The following TPM3 variants were observed in gnomAD, a reference collection of about 807,000 sequenced individuals.
TPM3 encodes the protein tropomyosin alpha-3 chain.
Under a neutral mutation model 43.1 loss-of-function variants are expected in TPM3, and 16 were observed. The ratio of observed to expected loss-of-function variants is 0.37; its 90% CI spans 0.25 to 0.56. The LOEUF is 0.56. TPM3 is among the 20% of genes least tolerant of loss of function. The pLI is 0.77. For missense variants in TPM3, 176 were observed against 337.2 expected, an observed-to-expected ratio of 0.52 and a Z score of 3.74; for synonymous variants, 101 against 116.9, an observed-to-expected ratio of 0.86 and a Z score of 0.88.
intron 9 of TPM3, 37 bp downstream of exon 9, chr1:154,169,268 C>A (rs1193874574): frequency 1.2e-6 from 2 of 1,610,442 alleles, no homozygotes; most frequent in Admixed American, 3.3e-5. Flanking sequence ...CACCCACAAG[C>A]CAAGATCCCA....
In TPM3 at chr1:154,164,643, T is replaced by G. The variant is rs763747391; in HGVS notation, c.*3294A>C. 9.2e-5 allele frequency among the ~76,000 whole-genome samples: 14 copies of G among 152,346 alleles called. No homozygotes were observed. The highest frequency in any genetic ancestry group is 1.6e-4 in the Non-Finnish European group (11 of 68,034). On this transcript the variant is annotated 3_prime_UTR_variant, in exon 10 of 10. Transcript: ENST00000651641. Reference sequence around the variant, plus strand: ...CCAATTTTTTCCAAAGTGTGGTGTATTCACTGCTATAGTTACTTTAATGTG... The same window carrying G: ...CCAATTTTTTCCAAAGTGTGGTGTAGTCACTGCTATAGTTACTTTAATGTG...
Position 154,167,760 on chromosome 1 carries a change from A to C in TPM3, c.*177T>G. 2.0e-6 allele frequency: 3 copies of C among 1,503,718 alleles called. No individual in the cohort carries two copies. The highest frequency in any genetic ancestry group is 2.7e-6 in the Non-Finnish European group (3 of 1,124,284). The allele number at this position is 1,503,718 out of a possible 1,614,324, so 93.1% of individuals were successfully genotyped here. On this transcript the variant is annotated 3_prime_UTR_variant, in exon 10 of 10. Coordinates refer to ENST00000651641, the MANE Select transcript of TPM3 (RefSeq NM_152263.4). Reference sequence around the variant, plus strand: ...GGTGGCATGAGGTTTCCAGCAGCTTAACATTTTAATTTGGGGTGGGGGTGG... The same window carrying C: ...GGTGGCATGAGGTTTCCAGCAGCTTCACATTTTAATTTGGGGTGGGGGTGG...
chr1:154,191,218 TCTC>T lies in TPM3; in HGVS notation c.208_210del (p.Glu70del). ...GCCTTCTTCTCTGCCAGTTCCAGCT[TCTC>T]CTGGGCATCCTTCAAAGCTTCAGAA... On this transcript the variant is annotated inframe_deletion, in exon 2 of 10. Transcript: ENST00000651641. 6.2e-7 allele frequency: 1 copy of T among 1,614,202 alleles called. No individual in the cohort carries two copies. The highest frequency in any genetic ancestry group is 8.5e-7 in the Non-Finnish European group (1 of 1,180,034).
In TPM3 at chr1:154,161,900, T is replaced by C. The variant is rs971008845; in HGVS notation, c.*6037A>G. Among the ~76,000 whole-genome samples the C allele has an allele frequency of 6.6e-6, 1 of 152,204 alleles. No homozygotes were observed. The highest frequency in any genetic ancestry group is 1.5e-5 in the Non-Finnish European group (1 of 68,030). On this transcript the variant is annotated 3_prime_UTR_variant, in exon 10 of 10. Coordinates refer to ENST00000651641, the MANE Select transcript of TPM3 (RefSeq NM_152263.4). Reference sequence around the variant, plus strand: ...ATGAGGTCAGAAAGACAAATGCAGCTGTTCTCTCACTTTGAACTTAGTTTC... The same window carrying C: ...ATGAGGTCAGAAAGACAAATGCAGCCGTTCTCTCACTTTGAACTTAGTTTC...
intron 2 of TPM3, chr1:154,187,501 T>C (rs2148289787): frequency 1.0e-6 from 1 of 984,670 alleles, no homozygotes; most frequent in South Asian, 4.7e-5. Context: ...CATATTTAAA[T>C]GGGTTTTGGT....
At chr1:154,186,111 C>T (rs371012599) in intron 2 of TPM3, among the ~76,000 whole-genome samples, 2 of 151,684 alleles carry the variant, frequency 1.3e-5, no homozygotes. Flanking sequence ...GAGTAACCTG[C>T]ACACTGATTT....
downstream of TPM3, among the ~76,000 whole-genome samples, chr1:154,160,746 T>C (rs755254587): frequency 3.9e-5 from 6 of 152,178 alleles, no homozygotes; most frequent in African/African-American, 7.2e-5. Context: ...ACGTTCACCA[T>C]TGACAAACAC....
At chr1:154,168,165 G>T (rs936864052) in intron 9 of TPM3, among the ~76,000 whole-genome samples, 11 of 152,200 alleles carry the variant, frequency 7.2e-5, no homozygotes, top group Admixed American at 7.2e-4. Context: ...AACAGATGAA[G>T]CCCCAACAAC....
downstream of TPM3, chr1:154,157,591 G>A (rs772404080): frequency 9.1e-6 from 7 of 771,228 alleles, no homozygotes; most frequent in African/African-American, 3.4e-5. Flanking sequence ...GCCTCAGGCG[G>A]AGTCTGGGTC....
downstream of TPM3, among the ~76,000 whole-genome samples, chr1:154,160,899 T>TTG (rs1256560581): frequency 2.6e-5 from 4 of 151,270 alleles, no homozygotes; most frequent in Admixed American, 6.6e-5. Context: ...ATGTGTGTGT[T>TTG]TGTGTGTGTG....
Position 154,173,165 on chromosome 1 carries a change from A to G in TPM3, c.414T>C (p.Asp138=), listed in dbSNP as rs1661795370. The G allele has an allele frequency of 6.2e-7, 1 of 1,613,952 alleles. No individual in the cohort carries two copies. The highest frequency in any genetic ancestry group is 8.5e-7 in the Non-Finnish European group (1 of 1,180,036). The change falls in exon 4 of 10, where the codon GAT becomes GAC. Residue 138 remains aspartate, a synonymous_variant. Coordinates refer to ENST00000651641, the MANE Select transcript of TPM3 (RefSeq NM_152263.4). ...MKVIENRALK[D]EEKMELQEIQ... ...TTTCCTGGAGTTCCATCTTTTCTTC[A>G]TCTTTTAAGGCCCGGTTTTCAATAA...
At chr1:154,160,932 T>A (rs532349773), downstream of TPM3, among the ~76,000 whole-genome samples, 9 of 152,050 alleles carry the variant, frequency 5.9e-5, no homozygotes, top group Admixed American at 5.2e-4. Context: ...AAGGTCTTAC[T>A]GTGTTGTCCA....
intron 2 of TPM3, among the ~76,000 whole-genome samples, chr1:154,180,335 G>C (rs1436563489): frequency 1.3e-5 from 2 of 152,138 alleles, no homozygotes; most frequent in African/African-American, 4.8e-5. Context: ...CCAGAGGAGG[G>C]AGGAGTCTGC....
At chr1:154,175,079 C>T (rs1662141847) in intron 3 of TPM3, among the ~76,000 whole-genome samples, 1 of 152,066 alleles carries the variant, frequency 6.6e-6, no homozygotes, top group Non-Finnish European at 1.5e-5. Context: ...CGCCTGTAAT[C>T]CCAGCACACT....
intron 2 of TPM3, chr1:154,187,347 G>T: frequency 2.0e-6 from 2 of 984,780 alleles, no homozygotes; most frequent in Non-Finnish European, 2.4e-6. Flanking sequence ...TTTGAGGAAA[G>T]AAACCTTTCT....
chr1:154,158,938 C>A, downstream of TPM3: 1 of 779,370 alleles, frequency 1.3e-6, no homozygotes. Context: ...GCAGTAAGCT[C>A]AGTTTAATGG....
intron 2 of TPM3, among the ~76,000 whole-genome samples, chr1:154,177,041 C>T (rs554572318): frequency 1.3e-5 from 2 of 151,772 alleles, no homozygotes; most frequent in South Asian, 2.1e-4. Flanking sequence ...TAACTCAAAC[C>T]GTTATTCCTA....
chr1:154,189,681 C>G (rs958465502), intron 2 of TPM3, among the ~76,000 whole-genome samples: 1 of 151,396 alleles, frequency 6.6e-6, no homozygotes, highest in African/African-American at 2.4e-5. Context: ...GCCTGTAATC[C>G]CAGTTACTCA....
chr1:154,188,868 C>T (rs1443278150), intron 2 of TPM3, among the ~76,000 whole-genome samples: 1 of 149,236 alleles, frequency 6.7e-6, no homozygotes, highest in Non-Finnish European at 1.5e-5. Context: ...TGGTGGCTCA[C>T]ATCTGTAATC....
Sources: allele counts gnomAD v4.1 joint callset (sites outside exome capture counted in the v4.1 genomes callset), GRCh38; gene constraint gnomAD v4.1.1; transcripts MANE v1.5; gene names NCBI Gene and HGNC (gene_info 2026-07-23, HGNC 2026-07-21).